GABRG3: variants seen among roughly 807,000 people sequenced by gnomAD.
GABRG3 encodes gamma-aminobutyric acid type A receptor subunit gamma3, also known as gamma-aminobutyric acid receptor subunit gamma-3.
In GABRG3, 25 loss-of-function variants were observed where a neutral mutation model predicts 48.8. The observed-to-expected ratio is 0.51, with a 90% CI of 0.37 to 0.72. The LOEUF (loss-of-function observed/expected upper bound fraction) is 0.72, where lower values mean the gene tolerates loss of function less well. Among genes scored for constraint, GABRG3 ranks in the 30% least tolerant of loss-of-function variants. The pLI is 0.00. For missense variants in GABRG3, 394 were observed against 577.9 expected (o/e 0.68, Z 3.26); for synonymous variants, 227 against 217.6 (o/e 1.04, Z -0.38).
At chr15:27,505,460 G>C (rs1453285265) in intron 6 of GABRG3, among the ~76,000 whole-genome samples, 1 of 152,106 alleles carries the variant, frequency 6.6e-6, no homozygotes, top group Non-Finnish European at 1.5e-5. Flanking sequence ...TTCTTTATTG[G>C]TTAATGATGT....
rs529827178 is a variant in GABRG3 at position 27,042,988 on chromosome 15, C to T, written c.270+16167C>T. Among the ~76,000 whole-genome samples the T allele has an allele frequency of 2.6e-5, 4 of 152,348 alleles. No homozygotes were observed. The East Asian group carries it at 7.7e-4, about 29-fold the overall frequency. ...TGTCAAGGGTGGGGGCCTTGTATCCCTTTCTCCAGCCACGGGCTCCGCGTC... is the reference window on the plus strand; with the variant it reads ...TGTCAAGGGTGGGGGCCTTGTATCCTTTTCTCCAGCCACGGGCTCCGCGTC... On this transcript the variant is annotated intron_variant, in intron 3 of 9. Transcript: ENST00000615808.
chr15:27,524,389 A>G (rs192065353), intron 7 of GABRG3, among the ~76,000 whole-genome samples: 1 of 152,242 alleles, frequency 6.6e-6, no homozygotes, highest in Non-Finnish European at 1.5e-5. Flanking sequence ...ATTTCTTGAA[A>G]TAGAAAATGA....
At chr15:27,139,020 TAGAC>T (rs369260047) in intron 3 of GABRG3, among the ~76,000 whole-genome samples, 2,085 of 151,872 alleles carry the variant, frequency 0.014, 22 homozygotes, top group South Asian at 0.046. Flanking sequence ...GATAGATAGA[TAGAC>T]AGACAGACAG....
chr15:27,030,697 A>ACTTG (rs67528638), intron 3 of GABRG3, among the ~76,000 whole-genome samples: 1 of 19,400 alleles, frequency 5.2e-5, no homozygotes, highest in African/African-American at 2.1e-4. Flanking sequence ...ATGTTCTGAC[A>ACTTG]CTCTGTGCTA....
chr15:27,040,446 T>C (rs1896256345), intron 3 of GABRG3, among the ~76,000 whole-genome samples: 1 of 152,168 alleles, frequency 6.6e-6, no homozygotes, highest in Non-Finnish European at 1.5e-5. Flanking sequence ...AATACACACA[T>C]GGGTTGGCCT....
chr15:27,256,213 C>T (rs542779797), intron 3 of GABRG3, among the ~76,000 whole-genome samples: 118 of 151,992 alleles, frequency 7.8e-4, no homozygotes, highest in African/African-American at 2.2e-3. Context: ...GAGGCCGAGG[C>T]GGGCGGATCA....
chr15:26,981,608 C>T (rs1337224768), intron 2 of GABRG3, among the ~76,000 whole-genome samples: 2 of 151,978 alleles, frequency 1.3e-5, no homozygotes, highest in Non-Finnish European at 2.9e-5. Flanking sequence ...AGATTCTGAC[C>T]CAAGAGAGGA....
At chr15:27,040,255 T>C (rs1896253429) in intron 3 of GABRG3, among the ~76,000 whole-genome samples, 1 of 152,224 alleles carries the variant, frequency 6.6e-6, no homozygotes, top group Non-Finnish European at 1.5e-5. Flanking sequence ...TGACTGTAAC[T>C]TCTTTGTCCC....
chr15:27,067,050 T>C (rs17137597), intron 3 of GABRG3, among the ~76,000 whole-genome samples: 31,472 of 152,084 alleles, frequency 0.21, 3,385 homozygotes, highest in Middle Eastern at 0.27. Context: ...GCACTGTTCC[T>C]GGGTTTTAAA....
At chr15:27,095,190 G>A (rs1897250780) in intron 3 of GABRG3, among the ~76,000 whole-genome samples, 1 of 152,152 alleles carries the variant, frequency 6.6e-6, no homozygotes, top group Non-Finnish European at 1.5e-5. Flanking sequence ...TCTTATCACC[G>A]TCATGTCAGC....
chr15:27,505,310 T>C (rs1048030952), intron 6 of GABRG3, among the ~76,000 whole-genome samples: 2 of 152,188 alleles, frequency 1.3e-5, no homozygotes, highest in Admixed American at 6.5e-5. Context: ...GATCACTTGG[T>C]TAAAGTGCTG....
chr15:27,083,616 G>A lies in GABRG3; in HGVS notation c.270+56795G>A, dbSNP rs111447304. On this transcript the variant is annotated intron_variant, in intron 3 of 9. Coordinates refer to ENST00000615808, the MANE Select transcript of GABRG3 (RefSeq NM_033223.5). ...GCTGGGATTACAGGCATGAACCACC[G>A]TGCCCAGCCAACTTTTCTATTTTCA... Among the ~76,000 whole-genome samples, 190 of 152,164 alleles carry A rather than the reference G, an allele frequency of 1.2e-3. 4 individuals carry two copies. The highest frequency in any genetic ancestry group is 6.8e-3 in the Middle Eastern group (2 of 294).
intron 6 of GABRG3, among the ~76,000 whole-genome samples, chr15:27,485,026 T>A (rs769013064): frequency 7.2e-5 from 11 of 152,216 alleles, no homozygotes; most frequent in Non-Finnish European, 1.6e-4. Context: ...ACTCTTTAAT[T>A]GTGGGCTGCA....
At chr15:27,353,538 G>C (rs1378385767) in intron 5 of GABRG3, among the ~76,000 whole-genome samples, 2 of 151,834 alleles carry the variant, frequency 1.3e-5, no homozygotes, top group African/African-American at 4.8e-5. Flanking sequence ...CTGCCTCCGG[G>C]GTTCAAGCAA....
At chr15:27,427,321 A>T (rs956994568) in intron 5 of GABRG3, among the ~76,000 whole-genome samples, 1 of 152,214 alleles carries the variant, frequency 6.6e-6, no homozygotes, top group Admixed American at 6.5e-5. Context: ...TAGATAAGGA[A>T]CCTAAAGCCT....
chr15:27,320,186 C>T (rs1321228693), intron 3 of GABRG3, among the ~76,000 whole-genome samples: 1 of 152,204 alleles, frequency 6.6e-6, no homozygotes, highest in Non-Finnish European at 1.5e-5. Context: ...TCTTTTACTG[C>T]TTGTGATATT....
At chr15:27,311,394 A>C (rs1006389376) in intron 3 of GABRG3, among the ~76,000 whole-genome samples, 1 of 151,994 alleles carries the variant, frequency 6.6e-6, no homozygotes, top group Non-Finnish European at 1.5e-5. Flanking sequence ...CCAGAACCCC[A>C]CTTTGCTGGG....
intron 5 of GABRG3, among the ~76,000 whole-genome samples, chr15:27,375,900 G>A (rs974146325): frequency 3.3e-5 from 5 of 152,122 alleles, no homozygotes; most frequent in African/African-American, 1.2e-4. Context: ...GTCCCTGAAA[G>A]TCTCAACTCA....
At chr15:27,266,159 C>A (rs375011020) in intron 3 of GABRG3, among the ~76,000 whole-genome samples, 1 of 150,846 alleles carries the variant, frequency 6.6e-6, no homozygotes, top group Non-Finnish European at 1.5e-5. Context: ...GGATTACAGG[C>A]GTGAGCCATC....
Sources: gnomAD v4.1 joint callset for allele counts (sites outside exome capture counted in the v4.1 genomes callset) on GRCh38, gnomAD v4.1.1 for gene constraint, MANE v1.5 for transcripts, NCBI Gene and HGNC (gene_info 2026-07-23, HGNC 2026-07-21) for gene names.